Variants in AFAP1 observed in about 807,000 individuals in gnomAD.
AFAP1 encodes actin filament associated protein 1.
Under a neutral mutation model 93.9 loss-of-function variants are expected in AFAP1, and 75 were observed. The ratio of observed to expected loss-of-function variants is 0.80; its 90% CI spans 0.66 to 0.97. The LOEUF is 0.97. AFAP1 is among the 50% of genes least tolerant of loss of function. AFAP1 has a pLI of 0.00. For synonymous variants in AFAP1, 517 were observed against 430.7 expected (o/e 1.20, Z -2.48); for missense variants, 1,201 against 1,050.8 (o/e 1.14, Z -1.98).
At chr4:7,800,395 A>C in intron 10 of AFAP1, 47 bp downstream of exon 10, 1 of 1,590,284 alleles carries the variant, frequency 6.3e-7, no homozygotes, top group Non-Finnish European at 8.6e-7. Flanking sequence ...AAGGAAGATC[A>C]CCGCGTGTGT....
intron 14 of AFAP1, chr4:7,776,652 G>C (rs1716157060): frequency 6.6e-6 from 1 of 152,164 alleles, no homozygotes; most frequent in South Asian, 2.1e-4. Context: ...GGCATAAAAA[G>C]TGATCACTCC....
rs573730950 is a variant in AFAP1, at chr4:7,809,689, T to C, written c.979A>G (p.Ile327Val). Residue 327 changes from isoleucine to valine, a missense_variant, in exon 9 of 18, where the codon ATC (isoleucine) becomes GTC (valine). Ile to Val is a conservative substitution (Grantham distance 29). Transcript: ENST00000420658. ...GGCTTTTTCTTTCCCAGACTGATGA[T>C]CTTGGTGATTTTTTTCCCAGTGACT... ...SKVTGKKITK[I>V]ISLGKKKPST... is the part of the protein sequence containing the mutation. 4.3e-6 allele frequency: 7 copies of C among 1,614,180 alleles called. No homozygotes were observed. In the Admixed American group the frequency reaches 1.2e-4, roughly 27 times the overall value.
intron 9 of AFAP1, among the ~76,000 whole-genome samples, chr4:7,801,940 A>AC (rs1719082452): frequency 7.0e-6 from 1 of 141,914 alleles, no homozygotes; most frequent in African/African-American, 2.6e-5. Flanking sequence ...AAAAAAAAAA[A>AC]AACTAATCAA....
intron 2 of AFAP1, among the ~76,000 whole-genome samples, chr4:7,870,906 T>C (rs1362876988): frequency 1.3e-5 from 2 of 152,150 alleles, no homozygotes; most frequent in Non-Finnish European, 2.9e-5. Flanking sequence ...ACTGTACACT[T>C]TAAATGGTGA....
At chr4:7,879,899 A>C (rs1452756454) in intron 1 of AFAP1, among the ~76,000 whole-genome samples, 2 of 152,046 alleles carry the variant, frequency 1.3e-5, no homozygotes, top group Non-Finnish European at 2.9e-5. Flanking sequence ...TCCTGGGCTA[A>C]ATTGATCGGC....
intron 1 of AFAP1, among the ~76,000 whole-genome samples, chr4:7,907,295 G>A (rs1476188863): frequency 6.6e-6 from 1 of 152,134 alleles, no homozygotes; most frequent in Non-Finnish European, 1.5e-5. Context: ...GCTCACTAAA[G>A]ATGACCTTTA....
chr4:7,801,512 A>C (rs1442931611), intron 9 of AFAP1, among the ~76,000 whole-genome samples: 4 of 152,206 alleles, frequency 2.6e-5, no homozygotes, highest in Non-Finnish European at 5.9e-5. Flanking sequence ...TTCTAGAAAT[A>C]ACAAGACATG....
intron 13 of AFAP1, among the ~76,000 whole-genome samples, chr4:7,780,131 G>C (rs558295830): frequency 6.6e-6 from 1 of 152,320 alleles, no homozygotes; most frequent in East Asian, 1.9e-4. Flanking sequence ...CGCTTAGTGA[G>C]TGCAACACAT....
chr4:7,768,663 C>T (rs1714963566), intron 17 of AFAP1, among the ~76,000 whole-genome samples, 181 bp downstream of exon 17: 1 of 152,174 alleles, frequency 6.6e-6, no homozygotes, highest in Non-Finnish European at 1.5e-5. Flanking sequence ...AACCCGGTTC[C>T]TAACAGGATC....
chr4:7,849,272 A>G (rs1714164471), intron 4 of AFAP1, among the ~76,000 whole-genome samples: 2 of 152,166 alleles, frequency 1.3e-5, no homozygotes, highest in South Asian at 4.1e-4. Flanking sequence ...CGGCTCCTCT[A>G]GGGCAGGAGC....
chr4:7,892,465 G>A (rs1219032327), intron 1 of AFAP1, among the ~76,000 whole-genome samples: 1 of 152,204 alleles, frequency 6.6e-6, no homozygotes, highest in African/African-American at 2.4e-5. Flanking sequence ...GGGAGGGGCA[G>A]CCCACAGAAA....
chr4:7,835,893 C>G lies in AFAP1; in HGVS notation c.726+2631G>C, dbSNP rs144938487. ...TGGACTGAGGGCTGCCTTAAGGTTACCTGGGTGGCTGAAAACCTCAAACCC... is the reference window on the plus strand; with the variant it reads ...TGGACTGAGGGCTGCCTTAAGGTTAGCTGGGTGGCTGAAAACCTCAAACCC... On this transcript the variant is annotated intron_variant, in intron 6 of 17. Coordinates refer to ENST00000420658, the MANE Select transcript of AFAP1 (RefSeq NM_001134647.2). Among the ~76,000 whole-genome samples, 101 of 152,074 alleles carry G rather than the reference C, an allele frequency of 6.6e-4. 3 individuals are homozygous for G. In the East Asian group the frequency reaches 0.019, roughly 29 times the overall value.
At position 7,768,868 on chromosome 4, in the gene AFAP1, T is replaced by G; in HGVS notation, c.2394A>C (p.Arg798=). ...SQAAPGSSPC[R]GHVLRKAKEW... is the part of the protein sequence containing the mutation. ...CCTTGGCCTTCCGCAGCACATGCCCTCGGCAGGGGGAGCTGCCCGGGGCAG... is the reference window on the plus strand; with the variant it reads ...CCTTGGCCTTCCGCAGCACATGCCCGCGGCAGGGGGAGCTGCCCGGGGCAG... The change falls in exon 17 of 18, where the codon CGA becomes CGC. Residue 798 remains arginine (R), a synonymous_variant. Transcript: ENST00000420658. 1 of 1,606,322 alleles carries G rather than the reference T, an allele frequency of 6.2e-7. No homozygotes were observed. The highest frequency in any genetic ancestry group is 8.5e-7 in the Non-Finnish European group (1 of 1,174,404).
At chr4:7,866,010 C>T (rs1203764714) in intron 3 of AFAP1, among the ~76,000 whole-genome samples, 1 of 152,198 alleles carries the variant, frequency 6.6e-6, no homozygotes, top group Non-Finnish European at 1.5e-5. Context: ...GATTCTCCTG[C>T]CTCAGCCTCC....
chr4:7,785,208 G>C (rs1402018438), intron 12 of AFAP1, among the ~76,000 whole-genome samples: 1 of 152,170 alleles, frequency 6.6e-6, no homozygotes, highest in Non-Finnish European at 1.5e-5. Context: ...GTAACAGGCA[G>C]ACACCGTAGA....
intron 1 of AFAP1, among the ~76,000 whole-genome samples, chr4:7,883,589 A>T (rs1004367206): frequency 1.3e-5 from 2 of 152,216 alleles, no homozygotes; most frequent in African/African-American, 2.4e-5. Flanking sequence ...AATTATTTCT[A>T]TTGGCAGCTG....
intron 14 of AFAP1, chr4:7,778,273 G>T (rs554164363): frequency 5.4e-4 from 96 of 177,524 alleles, no homozygotes; most frequent in African/African-American, 2.2e-3. Context: ...GGCACCGCAG[G>T]ATAACCATTC....
chr4:7,806,550 G>A (rs113033109), intron 9 of AFAP1, among the ~76,000 whole-genome samples: 4 of 152,230 alleles, frequency 2.6e-5, no homozygotes, highest in African/African-American at 7.2e-5. Context: ...CTGGAACAGA[G>A]AGCAGCAGCT....
chr4:7,836,450 C>G (rs1346657802), intron 6 of AFAP1, among the ~76,000 whole-genome samples: 1 of 152,122 alleles, frequency 6.6e-6, no homozygotes, highest in Non-Finnish European at 1.5e-5. Flanking sequence ...ATGGGTATGG[C>G]GTTCTTTGTT....
Sources: gnomAD v4.1 joint callset for allele counts (sites outside exome capture counted in the v4.1 genomes callset) on GRCh38, gnomAD v4.1.1 for gene constraint, MANE v1.5 for transcripts, NCBI Gene and HGNC (gene_info 2026-07-23, HGNC 2026-07-21) for gene names.